Variants in SLC10A1 observed in about 807,000 individuals in gnomAD.
SLC10A1 encodes solute carrier family 10 member 1.
In SLC10A1, 36 loss-of-function variants were observed where a neutral mutation model predicts 20.5. That is an observed-to-expected ratio of 1.75 (90% CI 1.34 to 2.32). SLC10A1 has a LOEUF of 2.32. Ranked by LOEUF, SLC10A1 falls within the 30% of genes most tolerant of loss-of-function variation. The probability of loss-of-function intolerance (pLI) is 0.00; values close to 1 mark genes in which losing one functional copy is unlikely to be tolerated. For missense variants in SLC10A1, 545 were observed against 439.1 expected, an observed-to-expected ratio of 1.24 and a Z score of -2.16; for synonymous variants, 188 against 163.6, an observed-to-expected ratio of 1.15 and a Z score of -1.14.
chr14:69,796,950 T>G lies in SLC10A1; in HGVS notation c.206A>C (p.Tyr69Ser), dbSNP rs767290491. 1 of 1,614,186 alleles carries G rather than the reference T, an allele frequency of 6.2e-7. No individual in the cohort carries two copies. Among genetic ancestry groups the G allele is most frequent in the Non-Finnish European group, 8.5e-7 (1 of 1,180,006 alleles). ...AAAGGCCGTGAGGGGCATGATGCCATACTGTGCCACCAGGGCGATGGCCAG... is the reference window on the plus strand; with the variant it reads ...AAAGGCCGTGAGGGGCATGATGCCAGACTGTGCCACCAGGGCGATGGCCAG... ...KGLAIALVAQYGIMPLTAFVL... is the reference protein window; with the variant it reads ...KGLAIALVAQSGIMPLTAFVL... The change falls in exon 1 of 5, where the codon TAT (tyrosine) becomes TCT (serine). Residue 69 changes from tyrosine to serine, a missense_variant. Physicochemically the swap from Tyr to Ser is moderately radical, Grantham distance 144. Transcript: ENST00000216540.
intron 1 of SLC10A1, among the ~76,000 whole-genome samples, chr14:69,793,262 G>C (rs939282379): frequency 2.4e-4 from 36 of 152,016 alleles, no homozygotes; most frequent in African/African-American, 7.5e-4. Context: ...CAGGTCCTGG[G>C]GTCAGGTCAG....
intron 1 of SLC10A1, among the ~76,000 whole-genome samples, chr14:69,791,132 TATATC>T: frequency 6.6e-6 from 1 of 152,240 alleles, no homozygotes; most frequent in Middle Eastern, 3.4e-3. Context: ...AAAGAAAAGC[TATATC>T]ATATTTATAG....
At chr14:69,782,141 T>C (rs746711111) in intron 2 of SLC10A1, among the ~76,000 whole-genome samples, 1 of 152,186 alleles carries the variant, frequency 6.6e-6, no homozygotes, top group Non-Finnish European at 1.5e-5. Context: ...CAGGAGTGAT[T>C]CCAGTTTTGG....
chr14:69,787,473 CCT>C (rs1883747258), intron 1 of SLC10A1, among the ~76,000 whole-genome samples: 2 of 150,844 alleles, frequency 1.3e-5, no homozygotes, highest in African/African-American at 4.9e-5. Context: ...TCAGTGTGTC[CCT>C]CCTCCTCCCC....
rs191065288 is a variant in SLC10A1 at position 69,791,452 on chromosome 14, C to T, written c.357-5145G>A. Among the ~76,000 whole-genome samples the T allele has an allele frequency of 3.3e-5, 5 of 152,248 alleles. No individual in the cohort carries two copies. The East Asian group carries it at 7.7e-4, about 24-fold the overall frequency. On this transcript the variant is annotated intron_variant, in intron 1 of 4. Coordinates refer to ENST00000216540, the MANE Select transcript of SLC10A1 (RefSeq NM_003049.4). ...AGTAGCTGGGACTACAGGCGCCCGC[C>T]ACCACGCCCAGCTAATTTTTTGTAT...
At chr14:69,788,071 G>GGGGGAA (rs953483409) in intron 1 of SLC10A1, among the ~76,000 whole-genome samples, 4 of 152,038 alleles carry the variant, frequency 2.6e-5, no homozygotes, top group African/African-American at 9.6e-5. Context: ...GCAAAGTAGT[G>GGGGGAA]GGGGAACTCA....
chr14:69,780,435 G>T (rs966933219), intron 2 of SLC10A1, among the ~76,000 whole-genome samples: 1 of 152,242 alleles, frequency 6.6e-6, no homozygotes, highest in Middle Eastern at 3.4e-3. Context: ...ACATGTGTTG[G>T]TTCATTTTTT....
At chr14:69,776,427 CAA>C (rs769420283) in intron 4 of SLC10A1, 39 bp from the exon 5 acceptor site, 7 of 1,489,712 alleles carry the variant, frequency 4.7e-6, no homozygotes, top group South Asian at 2.3e-5. Flanking sequence ...AGAGAGAGAA[CAA>C]GAGGAGTGAA....
rs1220837748 is a variant in SLC10A1, at chr14:69,779,827, A to G, written c.568-467T>C. 3.1e-5 allele frequency among the ~76,000 whole-genome samples: 4 copies of G among 127,200 alleles called. No homozygotes were observed. The East Asian group carries it at 8.0e-4, about 25-fold the overall frequency. The allele number at this position is 127,200 out of a possible 152,430, so 83.4% of individuals were successfully genotyped here. A position where few individuals can be genotyped will look rare whatever the true frequency, so the allele number is the denominator to read the frequency against. On this transcript the variant is annotated intron_variant, in intron 2 of 4. Coordinates refer to ENST00000216540, the MANE Select transcript of SLC10A1 (RefSeq NM_003049.4). ...TGAGGCTATTCAGGACTCCTGCAAAATGGATATTATTTAAAAGTCAAGTAT... is the reference window on the plus strand; with the variant it reads ...TGAGGCTATTCAGGACTCCTGCAAAGTGGATATTATTTAAAAGTCAAGTAT...
intron 4 of SLC10A1, among the ~76,000 whole-genome samples, chr14:69,777,983 T>C (rs1471261456): frequency 2.6e-5 from 4 of 152,102 alleles, no homozygotes; most frequent in African/African-American, 9.7e-5. Flanking sequence ...CTTCCCCAAC[T>C]CTTGCGAATA....
At chr14:69,788,373 C>T (rs1026142606) in intron 1 of SLC10A1, among the ~76,000 whole-genome samples, 2 of 152,116 alleles carry the variant, frequency 1.3e-5, no homozygotes, top group Middle Eastern at 3.4e-3. Flanking sequence ...GTTTCTTAGA[C>T]ATCTAAAGCA....
chr14:69,777,207 C>T (rs1221833469), intron 4 of SLC10A1, among the ~76,000 whole-genome samples: 1 of 152,178 alleles, frequency 6.6e-6, no homozygotes, highest in African/African-American at 2.4e-5. Flanking sequence ...CTCAGATAAG[C>T]ATCAGAGTAG....
chr14:69,782,685 G>A (rs1883621762), intron 2 of SLC10A1, among the ~76,000 whole-genome samples: 1 of 152,054 alleles, frequency 6.6e-6, no homozygotes, highest in Non-Finnish European at 1.5e-5. Context: ...GCGGGCGCCT[G>A]TAGTCCCAGC....
At chr14:69,782,124 A>G (rs1008707881) in intron 2 of SLC10A1, among the ~76,000 whole-genome samples, 2 of 152,210 alleles carry the variant, frequency 1.3e-5, no homozygotes, top group African/African-American at 2.4e-5. Flanking sequence ...TAGTCTCTGC[A>G]TCCTCACAGG....
Position 69,796,564 on chromosome 14 carries a change from G to A in SLC10A1, c.356+236C>T, listed in dbSNP as rs536567073. The stretch of plus-strand genomic sequence containing the variant: ...CCTCTGGAAGCAAGGAGATCACCAC[G>A]AGCTTCCTGGACCAGTATGGTCCCT... On this transcript the variant is annotated intron_variant, in intron 1 of 4. Coordinates refer to ENST00000216540, the MANE Select transcript of SLC10A1 (RefSeq NM_003049.4). Among the ~76,000 whole-genome samples the A allele has an allele frequency of 1.5e-4, 23 of 152,244 alleles. 1 individual carries two copies. Among genetic ancestry groups the A allele is most frequent in the East Asian group, 7.7e-4 (4 of 5,170 alleles).
chr14:69,780,634 C>T (rs1269449175), intron 2 of SLC10A1, among the ~76,000 whole-genome samples: 2 of 152,304 alleles, frequency 1.3e-5, no homozygotes, highest in Middle Eastern at 3.4e-3. Context: ...CTTTGTGTTT[C>T]TGTTTTTAAT....
chr14:69,781,826 T>C (rs1883598857), intron 2 of SLC10A1, among the ~76,000 whole-genome samples: 1 of 152,214 alleles, frequency 6.6e-6, no homozygotes, highest in Non-Finnish European at 1.5e-5. Flanking sequence ...ATGCCTGAAA[T>C]TGTATCTTGG....
In SLC10A1 at chr14:69,779,298, C is replaced by T. The variant is rs201620138; in HGVS notation, c.630G>A (p.Val210=). The part of the protein sequence containing the change: ...VAVTVLSAIN[V]GKSIMFAMTP... ...TCATGGCAAACATGATGCTCTTCCC[C>T]ACATTGATGGCAGAGAGAACTGTGA... The change falls in exon 3 of 5, where the codon GTG becomes GTA. Residue 210 remains valine (V), a synonymous_variant. Coordinates refer to ENST00000216540, the MANE Select transcript of SLC10A1 (RefSeq NM_003049.4). 7 of 1,613,886 alleles carry T rather than the reference C, an allele frequency of 4.3e-6. No individual in the cohort carries two copies. Among genetic ancestry groups the T allele is most frequent in the Non-Finnish European group, 5.9e-6 (7 of 1,179,912 alleles).
At chr14:69,780,593 CATTT>C (rs372634490) in intron 2 of SLC10A1, among the ~76,000 whole-genome samples, 3 of 152,208 alleles carry the variant, frequency 2.0e-5, no homozygotes, top group Non-Finnish European at 4.4e-5. Flanking sequence ...GACATTTTAA[CATTT>C]ATATTGCTCA....
Sources: allele counts gnomAD v4.1 joint callset (sites outside exome capture counted in the v4.1 genomes callset), GRCh38; gene constraint gnomAD v4.1.1; transcripts MANE v1.5; gene names NCBI Gene and HGNC (gene_info 2026-07-23, HGNC 2026-07-21).